The following SLC6A2 variants were observed in gnomAD, a reference collection of about 807,000 sequenced individuals.
SLC6A2 encodes solute carrier family 6 member 2.
In SLC6A2, 26 loss-of-function variants were observed where a neutral mutation model predicts 71.7. The observed-to-expected ratio is 0.36, with a 90% CI of 0.27 to 0.50. The LOEUF is 0.50. Among genes scored for constraint, SLC6A2 ranks in the 20% least tolerant of loss-of-function variants. The pLI, the probability that SLC6A2 is intolerant of heterozygous loss-of-function variation, is 0.96. For missense variants in SLC6A2, 581 were observed against 803.9 expected (o/e 0.72, Z 3.35); for synonymous variants, 363 against 337.9 (o/e 1.07, Z -0.82).
In SLC6A2 at chr16:55,656,958, G is replaced by A; in HGVS notation, c.264G>A (p.Lys88=). 6.2e-7 allele frequency: 1 copy of A among 1,613,412 alleles called. No individual in the cohort carries two copies. Residue 88 remains lysine (K), a synonymous_variant, in exon 2 of 15, where the codon AAG becomes AAA. Transcript: ENST00000568943. This position sits in a 1 kb window ranked among gnomAD's most constrained non-coding sequence, Gnocchi z 4.5. ...GGCGCTTCCCCTACCTCTGCTACAAGAACGGCGGCGGTGAGCGTGGGGTCG... is the reference window on the plus strand; with the variant it reads ...GGCGCTTCCCCTACCTCTGCTACAAAAACGGCGGCGGTGAGCGTGGGGTCG... The part of the protein sequence containing the change: ...NVWRFPYLCY[K]NGGGAFLIPY...
In SLC6A2 at chr16:55,703,924, T is replaced by C. The variant is rs1203942058; in HGVS notation, c.*1578T>C. Reference sequence around the variant, plus strand: ...CTGAGGTTTCCTTGCTGGGTCGGGGTCCTCAGGTCATTCTATAGATAAAAG... The same window carrying C: ...CTGAGGTTTCCTTGCTGGGTCGGGGCCCTCAGGTCATTCTATAGATAAAAG... On this transcript the variant is annotated 3_prime_UTR_variant, in exon 15 of 15. Transcript: ENST00000568943. 2 of 406,524 alleles carry C rather than the reference T, an allele frequency of 4.9e-6. No individual in the cohort carries two copies. Among genetic ancestry groups the C allele is most frequent in the African/African-American group, 2.2e-5 (1 of 45,722 alleles). 25.2% of individuals were successfully genotyped at this position (406,524 alleles called of 1,614,324 possible). A position where few individuals can be genotyped will look rare whatever the true frequency, so the allele number is the denominator to read the frequency against.
At position 55,656,847 on chromosome 16, in the gene SLC6A2, C is replaced by G; in HGVS notation, c.153C>G (p.Gly51=). ...GVQCLLAPRD[G]DAQPRETWGK... is the part of the protein sequence containing the mutation. ...AGTGCCTGCTGGCGCCCCGCGACGG[C>G]GACGCGCAGCCCCGGGAGACCTGGG... The change falls in exon 2 of 15, where the codon GGC becomes GGG. Residue 51 remains glycine (G), a synonymous_variant. Coordinates refer to ENST00000568943, the MANE Select transcript of SLC6A2 (RefSeq NM_001172501.3). The surrounding 1 kb of genome is among the most constrained non-coding windows in gnomAD (Gnocchi z 4.5). 2 of 1,613,712 alleles carry G rather than the reference C, an allele frequency of 1.2e-6. No individual in the cohort carries two copies. Among genetic ancestry groups the G allele is most frequent in the Non-Finnish European group, 1.7e-6 (2 of 1,179,844 alleles).
intron 10 of SLC6A2, 83 bp downstream of exon 10, chr16:55,698,108 TG>T: frequency 9.5e-6 from 14 of 1,466,240 alleles, no homozygotes; most frequent in Non-Finnish European, 1.3e-5. Flanking sequence ...GCCTTAGAAC[TG>T]GGGCTGAGCT....
At chr16:55,660,415 T>C (rs1297827458) in intron 2 of SLC6A2, among the ~76,000 whole-genome samples, 2 of 152,194 alleles carry the variant, frequency 1.3e-5, no homozygotes, top group Non-Finnish European at 2.9e-5. Context: ...AGGTAACTCC[T>C]TCTCTCACTT....
intron 11 of SLC6A2, 28 bp downstream of exon 11, chr16:55,698,596 C>A (rs1184609245): frequency 1.4e-6 from 2 of 1,454,912 alleles, no homozygotes; most frequent in African/African-American, 1.4e-5. Flanking sequence ...AAAGCCTCAG[C>A]TCCCAGTCCT....
chr16:55,693,918 G>T, intron 6 of SLC6A2, 92 bp from the exon 7 acceptor site: 1 of 869,918 alleles, frequency 1.1e-6, no homozygotes, highest in South Asian at 1.3e-5. Flanking sequence ...TGGTCTCAGA[G>T]CATCCCCAGG....
chr16:55,671,494 A>G (rs970079282), intron 3 of SLC6A2, among the ~76,000 whole-genome samples: 4 of 152,148 alleles, frequency 2.6e-5, no homozygotes, highest in Admixed American at 1.3e-4. Flanking sequence ...CCGGCCTGTT[A>G]GGAACCGGGC....
chr16:55,685,591 G>A (rs998043074), intron 5 of SLC6A2, among the ~76,000 whole-genome samples: 5 of 152,132 alleles, frequency 3.3e-5, no homozygotes, highest in East Asian at 1.9e-4. Flanking sequence ...AGGGCCTCAC[G>A]ACAAAGTCTA....
intron 6 of SLC6A2, among the ~76,000 whole-genome samples, chr16:55,693,183 T>A (rs1449736378): frequency 6.6e-6 from 1 of 152,024 alleles, no homozygotes; most frequent in Non-Finnish European, 1.5e-5. Flanking sequence ...GGTCAGGAGT[T>A]CAAGACCAGC....
chr16:55,696,135 C>G, intron 8 of SLC6A2, 90 bp from the exon 9 acceptor site: 1 of 824,514 alleles, frequency 1.2e-6, no homozygotes, highest in Non-Finnish European at 2.2e-6. Context: ...CACACATGAC[C>G]GAACAATTGG....
Position 55,685,187 on chromosome 16 carries a change from T to C in SLC6A2, c.689T>C (p.Ile230Thr), listed in dbSNP as rs747347135. 6.2e-7 allele frequency: 1 copy of C among 1,614,142 alleles called. No homozygotes were observed. Among genetic ancestry groups the C allele is most frequent in the Admixed American group, 1.7e-5 (1 of 60,020 alleles). The change falls in exon 5 of 15, where the codon ATC (isoleucine) becomes ACC (threonine). Residue 230 changes from isoleucine (I) to threonine (T), a missense_variant. Physicochemically the swap from Ile to Thr is moderately conservative, Grantham distance 89 (BLOSUM62 -1). Transcript: ENST00000568943. ...CACGAGAGCAGCGGGATTCATGACA[T>C]CGGCCTGCCCCAGTGGCAGCTCTTG... ...HLHESSGIHD[I>T]GLPQWQLLLC...
chr16:55,692,350 G>A (rs1965661241), intron 6 of SLC6A2, among the ~76,000 whole-genome samples: 1 of 152,242 alleles, frequency 6.6e-6, no homozygotes, highest in South Asian at 2.1e-4. Context: ...GATGTCTTGG[G>A]ACCTTGCTCT....
chr16:55,698,171 T>G (rs1332083645), intron 10 of SLC6A2, 146 bp downstream of exon 10: 2 of 871,282 alleles, frequency 2.3e-6, no homozygotes, highest in African/African-American at 3.3e-5. Context: ...CCTGACCCAC[T>G]AGGGTTAGGC....
rs937618624 is a variant in SLC6A2, at chr16:55,685,139, G to A, written c.645-4G>A. On this transcript the variant is annotated splice_polypyrimidine_tract_variant and splice_region_variant and intron_variant, in intron 4 of 14. Coordinates refer to ENST00000568943, the MANE Select transcript of SLC6A2 (RefSeq NM_001172501.3). The stretch of plus-strand genomic sequence containing the variant: ...CCTGGTCCCCTCCCCTCTCCTCTGG[G>A]CAGGCGTGGTGTCCTGCACCTTCAC... 7.4e-6 allele frequency: 12 copies of A among 1,614,004 alleles called. No homozygotes were observed. The highest frequency in any genetic ancestry group is 1.6e-4 in the Middle Eastern group (1 of 6,084).
intron 5 of SLC6A2, among the ~76,000 whole-genome samples, chr16:55,686,693 T>C (rs538330721): frequency 4.9e-4 from 75 of 152,220 alleles, no homozygotes; most frequent in African/African-American, 1.7e-3. Context: ...CAGCAGCCAG[T>C]AGAGATGAAA....
intron 12 of SLC6A2, 57 bp from the exon 13 acceptor site, chr16:55,700,081 CT>C: frequency 6.7e-7 from 1 of 1,483,758 alleles, no homozygotes; most frequent in South Asian, 1.1e-5. Flanking sequence ...TCTCTCTTTC[CT>C]TTCTTGTCTC....
At position 55,697,878 on chromosome 16, in the gene SLC6A2, C is replaced by T. The variant is rs757764066; in HGVS notation, c.1261-19C>T. 5 of 1,613,688 alleles carry T rather than the reference C, an allele frequency of 3.1e-6. No homozygotes were observed. The East Asian group carries it at 1.1e-4, about 36-fold the overall frequency. On this transcript the variant is annotated intron_variant, in intron 9 of 14. Transcript: ENST00000568943. ...GGAGACCCTAATTCCTGCACCCCAC[C>T]CCTCCTGGTTCCCTCCAGATGGGAG...
chr16:55,671,479 A>G (rs1964910537), intron 3 of SLC6A2, among the ~76,000 whole-genome samples: 1 of 152,138 alleles, frequency 6.6e-6, no homozygotes, highest in Non-Finnish European at 1.5e-5. Context: ...GCCACGGACC[A>G]ATAACCGGCC....
At chr16:55,674,962 C>A (rs1217901278) in intron 4 of SLC6A2, among the ~76,000 whole-genome samples, 2 of 152,188 alleles carry the variant, frequency 1.3e-5, no homozygotes, top group African/African-American at 4.8e-5. Flanking sequence ...AATTTACATT[C>A]CCACCAACAG....
Sources: gnomAD v4.1 joint callset for allele counts (sites outside exome capture counted in the v4.1 genomes callset) on GRCh38, gnomAD v4.1.1 for gene constraint, Gnocchi (gnomAD v3.1) non-coding constraint, MANE v1.5 for transcripts, NCBI Gene and HGNC (gene_info 2026-07-23, HGNC 2026-07-21) for gene names.